TAF3: variants seen among roughly 807,000 people sequenced by gnomAD.
TAF3 encodes the protein TATA-box binding protein associated factor 3, also known as transcription initiation factor TFIID subunit 3.
TAF3 carries 7 observed loss-of-function variants against 80.6 expected under a neutral mutation model. The observed-to-expected ratio is 0.09, with a 90% CI of 0.05 to 0.16. The LOEUF is 0.16. Ranked by LOEUF, TAF3 falls within the 10% of genes least tolerant of loss-of-function variation. The pLI is 1.00. For synonymous variants in TAF3, 444 were observed against 446.1 expected (o/e 1.00, Z 0.06); for missense variants, 921 against 1,140.2 (o/e 0.81, Z 2.77).
chr10:7,905,980 G>A (rs1316392036), intron 2 of TAF3, among the ~76,000 whole-genome samples: 4 of 152,178 alleles, frequency 2.6e-5, no homozygotes, highest in African/African-American at 9.7e-5. Flanking sequence ...ATATTCAAAA[G>A]TTTGTTGGCA....
chr10:8,007,671 A>G (rs1178223600), intron 4 of TAF3, among the ~76,000 whole-genome samples: 1 of 146,906 alleles, frequency 6.8e-6, no homozygotes, highest in Non-Finnish European at 1.5e-5. Flanking sequence ...ACTTTGGTTC[A>G]AAAGCTGCCA....
rs1831563412 is a variant in TAF3, at chr10:7,965,627, A to G, written c.2117A>G (p.Lys706Arg). The G allele has an allele frequency of 1.2e-6, 2 of 1,602,512 alleles. 1 individual carries two copies. The highest frequency in any genetic ancestry group is 2.3e-5 in the South Asian group (2 of 87,938). Residue 706 changes from lysine to arginine, a missense_variant, in exon 3 of 7, where the codon AAG becomes AGG. By Grantham distance (26) the Lys-to-Arg change is conservative. Around this residue, in one of 6 missense-constraint regions of TAF3, gnomAD observed 743 missense variants for 821.0 expected, o/e 0.90. Coordinates refer to ENST00000344293, the MANE Select transcript of TAF3 (RefSeq NM_031923.4). ...GAGAAAGAAAAGAAAAAGGACAAAA[A>G]GGAGAAGAAGAAAAAGAAGGAAAAA... is the stretch of plus-strand genomic sequence containing the variant. ...VKEKEKKKDK[K>R]EKKKKKEKEK...
At chr10:7,858,919 T>G (rs1837113493) in intron 2 of TAF3, among the ~76,000 whole-genome samples, 1 of 152,144 alleles carries the variant, frequency 6.6e-6, no homozygotes, top group African/African-American at 2.4e-5. Flanking sequence ...TGCTGGCCTC[T>G]TCAGCGTCTT....
chr10:7,931,620 C>T (rs1837869985), intron 2 of TAF3, among the ~76,000 whole-genome samples: 1 of 152,122 alleles, frequency 6.6e-6, no homozygotes, highest in Admixed American at 6.5e-5. Flanking sequence ...GTAATTATAC[C>T]TTGAAGAGTC....
intron 2 of TAF3, among the ~76,000 whole-genome samples, chr10:7,903,406 T>C (rs1412798752): frequency 6.6e-6 from 1 of 152,210 alleles, no homozygotes; most frequent in African/African-American, 2.4e-5. Context: ...TTCCTTTCCT[T>C]GTCTCAGCCT....
chr10:7,943,909 C>G (rs1003071646), intron 2 of TAF3, among the ~76,000 whole-genome samples: 2 of 152,100 alleles, frequency 1.3e-5, no homozygotes, highest in Admixed American at 1.3e-4. Flanking sequence ...TCTAAAAAAT[C>G]ATTACCCCTA....
At chr10:7,908,659 C>A (rs1837628223) in intron 2 of TAF3, among the ~76,000 whole-genome samples, 1 of 152,216 alleles carries the variant, frequency 6.6e-6, no homozygotes. Context: ...AACCCTATGC[C>A]ACCAGAGCCA....
rs80252939 is a variant in TAF3, at chr10:7,989,146, G to A, written c.2315+11823G>A. Among the ~76,000 whole-genome samples the A allele has an allele frequency of 4.6e-3, 699 of 152,328 alleles. 5 individuals carry two copies. The highest frequency in any genetic ancestry group is 0.028 in the East Asian group (143 of 5,188). ...AATGGGCCTGGAAGTCCCAGAGCAAGCTCTCAGTGGGCCAGCTGAGATCAC... is the reference window on the plus strand; with the variant it reads ...AATGGGCCTGGAAGTCCCAGAGCAAACTCTCAGTGGGCCAGCTGAGATCAC... On this transcript the variant is annotated intron_variant, in intron 4 of 6. Transcript: ENST00000344293.
At chr10:7,857,488 G>A (rs1837092956) in intron 2 of TAF3, among the ~76,000 whole-genome samples, 1 of 152,202 alleles carries the variant, frequency 6.6e-6, no homozygotes, top group Admixed American at 6.5e-5. Flanking sequence ...AAGGGAATTG[G>A]TGCCACACAG....
intron 4 of TAF3, among the ~76,000 whole-genome samples, chr10:7,990,724 T>G (rs1339708763): frequency 2.0e-5 from 3 of 152,214 alleles, no homozygotes; most frequent in Non-Finnish European, 4.4e-5. Context: ...TCCCCATCAG[T>G]TCAAAGGTCT....
rs191312676 is a variant in TAF3, at chr10:7,866,250, G to C, written c.409+41690G>C. ...CACTCTTCCAGGCACGGGGGATGGA[G>C]CAGTCAATAAATAGGCAGGCTCTGC... is the stretch of plus-strand genomic sequence containing the variant. On this transcript the variant is annotated intron_variant, in intron 2 of 6. Coordinates refer to ENST00000344293, the MANE Select transcript of TAF3 (RefSeq NM_031923.4). 2.0e-5 allele frequency among the ~76,000 whole-genome samples: 3 copies of C among 152,314 alleles called. No homozygotes were observed. The East Asian group carries it at 5.8e-4, about 29-fold the overall frequency.
intron 2 of TAF3, among the ~76,000 whole-genome samples, chr10:7,835,970 T>G (rs539850822): frequency 6.6e-6 from 1 of 152,322 alleles, no homozygotes; most frequent in East Asian, 1.9e-4. Context: ...GCTGCTTTCA[T>G]CACTGTTGGG....
At chr10:7,900,062 A>T (rs2065430) in intron 2 of TAF3, among the ~76,000 whole-genome samples, 136,284 of 152,198 alleles carry the variant, frequency 0.9, 61,158 homozygotes, top group East Asian at 0.99. Flanking sequence ...GTTAAAATAT[A>T]TTGAAAAGAT....
At chr10:7,897,648 C>G (rs1837517298) in intron 2 of TAF3, among the ~76,000 whole-genome samples, 1 of 150,516 alleles carries the variant, frequency 6.6e-6, no homozygotes, top group South Asian at 2.1e-4. Flanking sequence ...TTCCTATTCT[C>G]TCTCTCTCTC....
At chr10:7,919,270 A>G (rs1048410350) in intron 2 of TAF3, among the ~76,000 whole-genome samples, 4 of 152,170 alleles carry the variant, frequency 2.6e-5, no homozygotes, top group Admixed American at 2.6e-4. Flanking sequence ...AGTGATACTC[A>G]GTTTTCTGCA....
Position 7,899,974 on chromosome 10 carries a change from C to T in TAF3, c.410-63946C>T, listed in dbSNP as rs76027864. Among the ~76,000 whole-genome samples, 122 of 152,280 alleles carry T rather than the reference C, an allele frequency of 8.0e-4. 2 individuals are homozygous for T. The East Asian group carries it at 0.017, about 21-fold the overall frequency. On this transcript the variant is annotated intron_variant, in intron 2 of 6. Transcript: ENST00000344293. ...CTACAGTGAAGATTGCCTTTCCCCTCGTTTTCCTCAGTGGACATGTTAGGC... is the reference window on the plus strand; with the variant it reads ...CTACAGTGAAGATTGCCTTTCCCCTTGTTTTCCTCAGTGGACATGTTAGGC...
At chr10:7,937,358 G>C (rs377511526) in intron 2 of TAF3, among the ~76,000 whole-genome samples, 1 of 152,182 alleles carries the variant, frequency 6.6e-6, no homozygotes, top group East Asian at 1.9e-4. Context: ...TGTTGGCAGT[G>C]TTTCGGCTTT....
chr10:7,836,176 C>T (rs894292350), intron 2 of TAF3, among the ~76,000 whole-genome samples: 1 of 152,182 alleles, frequency 6.6e-6, no homozygotes, highest in African/African-American at 2.4e-5. Flanking sequence ...CTTTCCTACT[C>T]TCATAGTTTG....
At chr10:8,008,952 C>A in intron 4 of TAF3, 126 bp from the exon 5 acceptor site, 1 of 1,337,780 alleles carries the variant, frequency 7.5e-7, no homozygotes, top group Non-Finnish European at 1.0e-6. Context: ...AGTTCTTGAG[C>A]TGCCTCTAGA....
Sources: allele counts gnomAD v4.1 joint callset (sites outside exome capture counted in the v4.1 genomes callset), GRCh38; gene constraint gnomAD v4.1.1; regional missense constraint gnomAD v4.1.1; transcripts MANE v1.5; gene names NCBI Gene and HGNC (gene_info 2026-07-23, HGNC 2026-07-21).